Variants in ARID5A observed in about 807,000 individuals in gnomAD.
ARID5A encodes the protein AT-rich interaction domain 5A.
A neutral mutation model predicts 30.5 loss-of-function variants in ARID5A; 14 were observed. The observed-to-expected ratio is 0.46, with a 90% CI of 0.30 to 0.72. ARID5A has a LOEUF of 0.72. ARID5A is among the 30% of genes least tolerant of loss of function. ARID5A has a pLI of 0.07. For synonymous variants in ARID5A, 338 were observed against 340.4 expected, an observed-to-expected ratio of 0.99 and a Z score of 0.08; for missense variants, 669 against 786.2, an observed-to-expected ratio of 0.85 and a Z score of 1.78.
At chr2:96,546,557 C>T (rs1222727770) in intron 1 of ARID5A, among the ~76,000 whole-genome samples, 1 of 152,254 alleles carries the variant, frequency 6.6e-6, no homozygotes, top group Admixed American at 6.5e-5. Context: ...GGAAGCCTCA[C>T]CGAACTATCA....
Position 96,549,386 on chromosome 2 carries a change from G to A in ARID5A, c.186G>A (p.Leu62=), listed in dbSNP as rs1405255243. Residue 62 remains leucine, a synonymous_variant, in exon 3 of 7, where the codon CTG becomes CTA. Transcript: ENST00000357485. This position sits in a 1 kb window ranked among gnomAD's most constrained non-coding sequence, Gnocchi z 6.1. ...EQEREEEQAF[L]VSLYKFMKER... is the part of the protein sequence containing the mutation. ...AGCGGGAGGAGGAGCAGGCCTTCCTGGTCAGCCTCTACAAGTTCATGAAGG... is the reference window on the plus strand; with the variant it reads ...AGCGGGAGGAGGAGCAGGCCTTCCTAGTCAGCCTCTACAAGTTCATGAAGG... 1 of 1,613,902 alleles carries A rather than the reference G, an allele frequency of 6.2e-7. No homozygotes were observed. The highest frequency in any genetic ancestry group is 8.5e-7 in the Non-Finnish European group (1 of 1,179,956).
In ARID5A at chr2:96,550,571, C is replaced by T. The variant is rs370634774; in HGVS notation, c.411-3C>T. On this transcript the variant is annotated splice_polypyrimidine_tract_variant and splice_region_variant and intron_variant, in intron 5 of 6. Transcript: ENST00000357485. The surrounding 1 kb of genome is among the most constrained non-coding windows in gnomAD (Gnocchi z 6.6). ...CTGGGGGACATGCGTGGTTCCTCAC[C>T]AGGCTGGTCCTGCCATACGTGCGGC... 25 of 1,594,200 alleles carry T rather than the reference C, an allele frequency of 1.6e-5. No individual in the cohort carries two copies. In the African/African-American group the frequency reaches 2.7e-4, roughly 17 times the overall value.
At chr2:96,543,656 C>T (rs1167634124) in intron 1 of ARID5A, among the ~76,000 whole-genome samples, 1 of 152,206 alleles carries the variant, frequency 6.6e-6, no homozygotes, top group Non-Finnish European at 1.5e-5. Context: ...CATCGACCAG[C>T]ATTCCCCATC....
chr2:96,547,062 C>T (rs1208184851), intron 1 of ARID5A, among the ~76,000 whole-genome samples: 2 of 151,874 alleles, frequency 1.3e-5, no homozygotes, highest in South Asian at 2.1e-4. Context: ...GCGGATGCAG[C>T]GGGTTGTCGG....
chr2:96,538,424 T>C (rs2065783067), intron 1 of ARID5A: 3 of 775,176 alleles, frequency 3.9e-6, no homozygotes, highest in South Asian at 5.9e-5. Flanking sequence ...TCTTGTGGCC[T>C]CAGCTGCCCC....
Position 96,552,182 on chromosome 2 carries a change from A to G in ARID5A, c.1654A>G (p.Met552Val). Residue 552 changes from methionine (M) to valine (V), a missense_variant, in exon 7 of 7, where the codon ATG becomes GTG. Transcript: ENST00000357485. ...CCCCTCGCCCATGGCCGCTGGCCTG[A>G]TGCACTTCCCCCCAACGTCCTTCGA... Reference protein sequence around the residue: ...AGPSPMAAGLMHFPPTSFDSA... With the variant: ...AGPSPMAAGLVHFPPTSFDSA... 2 of 1,613,346 alleles carry G rather than the reference A, an allele frequency of 1.2e-6. No individual in the cohort carries two copies. The highest frequency in any genetic ancestry group is 1.3e-5 in the African/African-American group (1 of 75,032).
rs749476038 is a variant in ARID5A at position 96,547,498 on chromosome 2, A to G, written c.101A>G (p.Gln34Arg). 6.2e-7 allele frequency: 1 copy of G among 1,613,982 alleles called. No homozygotes were observed. The highest frequency in any genetic ancestry group is 2.2e-5 in the East Asian group (1 of 44,860). ...CCTGCTGGCAAGCAGAACGGAATCC[A>G]GAACCCCATCTCGCTGGAGGTGAGT... ...PKPAGKQNGIQNPISLEDSPE... is the reference protein window; with the variant it reads ...PKPAGKQNGIRNPISLEDSPE... The change falls in exon 2 of 7, where the codon CAG (glutamine) becomes CGG (arginine). Residue 34 changes from glutamine to arginine, a missense_variant. Gln to Arg is a conservative substitution (Grantham distance 43). Coordinates refer to ENST00000357485, the MANE Select transcript of ARID5A (RefSeq NM_212481.3).
rs541119941 is a variant in ARID5A, at chr2:96,537,463, C to G, written c.4+633C>G. The G allele has an allele frequency of 6.6e-6, 1 of 152,518 alleles. No individual in the cohort carries two copies. The highest frequency in any genetic ancestry group is 1.5e-5 in the Non-Finnish European group (1 of 68,262). The allele number at this position is 152,518 out of a possible 1,614,324, so 9.4% of individuals were successfully genotyped here. Reference sequence around the variant, plus strand: ...GTCCGGGGAGCCCGGCTTCTCGCCCCCTGCCCCTTCCTTCTCTTCCCTTTT... The same window carrying G: ...GTCCGGGGAGCCCGGCTTCTCGCCCGCTGCCCCTTCCTTCTCTTCCCTTTT... On this transcript the variant is annotated intron_variant, in intron 1 of 6. Coordinates refer to ENST00000357485, the MANE Select transcript of ARID5A (RefSeq NM_212481.3). The surrounding 1 kb of genome is among the most constrained non-coding windows in gnomAD (Gnocchi z 4.8).
chr2:96,547,384 T>G lies in ARID5A; in HGVS notation c.5-18T>G. ...CTCCCCACCCCTTCCTCCTTACTCC[T>G]TCCCTCTCTCCTTGCAGCAGCCCCT... On this transcript the variant is annotated intron_variant, in intron 1 of 6. Transcript: ENST00000357485. 1 of 1,609,096 alleles carries G rather than the reference T, an allele frequency of 6.2e-7. No individual in the cohort carries two copies. The highest frequency in any genetic ancestry group is 1.3e-5 in the African/African-American group (1 of 74,868).
chr2:96,548,613 G>A (rs2104697378), intron 2 of ARID5A, among the ~76,000 whole-genome samples: 1 of 152,334 alleles, frequency 6.6e-6, no homozygotes, highest in South Asian at 2.1e-4. Context: ...CGCTGTCCTA[G>A]TCCAGATGGT....
rs1383480645 is a variant in ARID5A, at chr2:96,537,829, G to T, written c.4+999G>T. On this transcript the variant is annotated intron_variant, in intron 1 of 6. Transcript: ENST00000357485. This position sits in a 1 kb window ranked among gnomAD's most constrained non-coding sequence, Gnocchi z 4.8. ...CTTGCGCGGTGCAGGACCCCCGAGG[G>T]CCCAGGGGGTCCCAAGGCGCTGCGG... is the stretch of plus-strand genomic sequence containing the variant. The T allele has an allele frequency of 1.4e-5, 14 of 976,592 alleles. No homozygotes were observed. Among genetic ancestry groups the T allele is most frequent in the Admixed American group, 6.1e-5 (1 of 16,268 alleles). 60.5% of individuals were successfully genotyped at this position (976,592 alleles called of 1,614,324 possible). A position where few individuals can be genotyped will look rare whatever the true frequency, so the allele number is the denominator to read the frequency against.
intron 1 of ARID5A, chr2:96,538,149 C>T: frequency 1.0e-6 from 1 of 985,468 alleles, no homozygotes; most frequent in Non-Finnish European, 1.2e-6. Flanking sequence ...TCTGCTTCTA[C>T]AGTTGAGAGA....
At position 96,536,760 on chromosome 2, in the gene ARID5A, G is replaced by C; in HGVS notation, c.-67G>C. ...CCGCGCCGCGAGCCAGTATCTCAGA[G>C]AGCGCGGGGTCCGGACAGCCGCGCG... On this transcript the variant is annotated 5_prime_UTR_variant, in exon 1 of 7. Transcript: ENST00000357485. 4 of 1,210,984 alleles carry C rather than the reference G, an allele frequency of 3.3e-6. No individual in the cohort carries two copies. The highest frequency in any genetic ancestry group is 4.1e-6 in the Non-Finnish European group (4 of 974,494). 75.0% of individuals were successfully genotyped at this position (1,210,984 alleles called of 1,614,324 possible).
rs2065809458 is a variant in ARID5A at position 96,539,667 on chromosome 2, G to A, written c.4+2837G>A. On this transcript the variant is annotated intron_variant, in intron 1 of 6. Coordinates refer to ENST00000357485, the MANE Select transcript of ARID5A (RefSeq NM_212481.3). This position sits in a 1 kb window ranked among gnomAD's most constrained non-coding sequence, Gnocchi z 4.7. The stretch of plus-strand genomic sequence containing the variant: ...ATGGTGGGTCCTCTGGGCCCTCCCC[G>A]ACCCAGGCCAGGGAAGTTGATTCAT... Among the ~76,000 whole-genome samples, 1 of 152,136 alleles carries A rather than the reference G, an allele frequency of 6.6e-6. No homozygotes were observed. The highest frequency in any genetic ancestry group is 1.5e-5 in the Non-Finnish European group (1 of 68,034).
intron 1 of ARID5A, among the ~76,000 whole-genome samples, chr2:96,546,090 G>C (rs1417209555): frequency 2.0e-5 from 3 of 152,182 alleles, no homozygotes; most frequent in Admixed American, 6.5e-5. Flanking sequence ...GAAGACATAA[G>C]AACACCTACC....
Position 96,549,729 on chromosome 2 carries a change from C to CG in ARID5A, c.260-24_260-23insG. Reference sequence around the variant, plus strand: ...CCCCACCTCCCACAGAGACTGACGGCCAGCCTGCTCTTCTCTCCCCCAGTT... The same window carrying CG: ...CCCCACCTCCCACAGAGACTGACGGCGCAGCCTGCTCTTCTCTCCCCCAGTT... On this transcript the variant is annotated intron_variant, in intron 3 of 6. Coordinates refer to ENST00000357485, the MANE Select transcript of ARID5A (RefSeq NM_212481.3). This position sits in a 1 kb window ranked among gnomAD's most constrained non-coding sequence, Gnocchi z 6.1. 1 of 1,613,928 alleles carries CG rather than the reference C, an allele frequency of 6.2e-7. No individual in the cohort carries two copies.
chr2:96,536,803 G>A lies in ARID5A; in HGVS notation c.-24G>A. The A allele has an allele frequency of 2.4e-6, 3 of 1,227,416 alleles. No homozygotes were observed. The highest frequency in any genetic ancestry group is 3.0e-6 in the Non-Finnish European group (3 of 985,066). 76.0% of individuals were successfully genotyped at this position (1,227,416 alleles called of 1,614,324 possible). On this transcript the variant is annotated 5_prime_UTR_variant, in exon 1 of 7. Coordinates refer to ENST00000357485, the MANE Select transcript of ARID5A (RefSeq NM_212481.3). The stretch of plus-strand genomic sequence containing the variant: ...GCCGCGCGCTGAGGGTCTCGGGGCG[G>A]GCGCCGCGGGACCTCTCCGGGCCAT...
In ARID5A at chr2:96,547,054, G is replaced by A. The variant is rs541207754; in HGVS notation, c.5-348G>A. Reference sequence around the variant, plus strand: ...GAAAGAAAAGGGACAGGTGTGGAGCGGATGCAGCGGGTTGTCGGGGAGCGG... The same window carrying A: ...GAAAGAAAAGGGACAGGTGTGGAGCAGATGCAGCGGGTTGTCGGGGAGCGG... On this transcript the variant is annotated intron_variant, in intron 1 of 6. Coordinates refer to ENST00000357485, the MANE Select transcript of ARID5A (RefSeq NM_212481.3). 1.7e-3 allele frequency among the ~76,000 whole-genome samples: 260 copies of A among 152,262 alleles called. 1 individual carries two copies. The highest frequency in any genetic ancestry group is 6.0e-3 in the African/African-American group (248 of 41,556).
Position 96,536,808 on chromosome 2 carries a change from C to A in ARID5A, c.-19C>A. On this transcript the variant is annotated 5_prime_UTR_variant, in exon 1 of 7. Coordinates refer to ENST00000357485, the MANE Select transcript of ARID5A (RefSeq NM_212481.3). ...GCGCTGAGGGTCTCGGGGCGGGCGC[C>A]GCGGGACCTCTCCGGGCCATGGGTA... 8.2e-7 allele frequency: 1 copy of A among 1,226,712 alleles called. No individual in the cohort carries two copies. Among genetic ancestry groups the A allele is most frequent in the South Asian group, 4.1e-5 (1 of 24,248 alleles). The allele number at this position is 1,226,712 out of a possible 1,614,324, so 76.0% of individuals were successfully genotyped here. A position where few individuals can be genotyped will look rare whatever the true frequency, so the allele number is the denominator to read the frequency against.
Sources: gnomAD v4.1 joint callset for allele counts (sites outside exome capture counted in the v4.1 genomes callset) on GRCh38, gnomAD v4.1.1 for gene constraint, Gnocchi (gnomAD v3.1) non-coding constraint, MANE v1.5 for transcripts, NCBI Gene and HGNC (gene_info 2026-07-23, HGNC 2026-07-21) for gene names.